The following SLC45A4 variants were observed in gnomAD, a reference collection of about 807,000 sequenced individuals.
The protein encoded by SLC45A4 is polyamine-transporter SLC45A4.
A neutral mutation model predicts 63.7 loss-of-function variants in SLC45A4; 32 were observed. The ratio of observed to expected loss-of-function variants is 0.50; its 90% confidence interval spans 0.38 to 0.67. The LOEUF is 0.67. Ranked by LOEUF, SLC45A4 falls within the 30% of genes least tolerant of loss-of-function variation. The pLI is 0.00. For missense variants in SLC45A4, 1,027 were observed against 1,157.7 expected (o/e 0.89, Z 1.64); for synonymous variants, 535 against 510.0 (o/e 1.05, Z -0.66).
intron 2 of SLC45A4, among the ~76,000 whole-genome samples, chr8:141,239,163 C>A (rs1388407091): frequency 6.6e-6 from 1 of 152,168 alleles, no homozygotes; most frequent in Non-Finnish European, 1.5e-5. Context: ...CACGTGACTG[C>A]GGCAAACATG....
At chr8:141,230,519 G>A (rs1224538155) in intron 2 of SLC45A4, among the ~76,000 whole-genome samples, 4 of 152,256 alleles carry the variant, frequency 2.6e-5, no homozygotes, top group Non-Finnish European at 5.9e-5. Flanking sequence ...AAGGTCTGAA[G>A]CCCCAAGCGT....
At chr8:141,280,812 C>T (rs547572455) in intron 1 of SLC45A4, among the ~76,000 whole-genome samples, 49 of 152,332 alleles carry the variant, frequency 3.2e-4, no homozygotes, top group African/African-American at 1.2e-3. Flanking sequence ...GGTGGGTGTG[C>T]AGAGAGCAGG....
chr8:141,216,972 C>T (rs1175260404), intron 6 of SLC45A4, 118 bp downstream of exon 6: 9 of 1,025,416 alleles, frequency 8.8e-6, no homozygotes, highest in South Asian at 1.5e-5. Flanking sequence ...TTTTGAGGGA[C>T]CCAGAAGTCA....
At chr8:141,263,778 A>ATAAT (rs1170226360) in intron 1 of SLC45A4, among the ~76,000 whole-genome samples, 1 of 149,078 alleles carries the variant, frequency 6.7e-6, no homozygotes, top group African/African-American at 2.5e-5. Context: ...TCAAAAAAAA[A>ATAAT]AAAAATAAAA....
At chr8:141,260,503 G>C (rs1829000604) in intron 1 of SLC45A4, among the ~76,000 whole-genome samples, 1 of 152,240 alleles carries the variant, frequency 6.6e-6, no homozygotes, top group African/African-American at 2.4e-5. Context: ...ACAGCAGGAT[G>C]CCACCTGGTG....
rs773123513 is a variant in SLC45A4 at position 141,219,038 on chromosome 8, G to A, written c.611-9C>T. 1 of 1,602,286 alleles carries A rather than the reference G, an allele frequency of 6.2e-7. No individual in the cohort carries two copies. The highest frequency in any genetic ancestry group is 8.5e-7 in the Non-Finnish European group (1 of 1,172,368). ...GATGGCTCCGCCGAGGCCTGCGTGG[G>A]AGGAAGCAGCAGCCGGTGAGCCGGT... On this transcript the variant is annotated splice_polypyrimidine_tract_variant and intron_variant, in intron 4 of 8. Transcript: ENST00000517878.
rs951469060 is a variant in SLC45A4, at chr8:141,208,366, T to A, written c.*3206A>T. 3 of 152,042 alleles carry A rather than the reference T, an allele frequency of 2.0e-5. No individual in the cohort carries two copies. Among genetic ancestry groups the A allele is most frequent in the African/African-American group, 7.2e-5 (3 of 41,382 alleles). 9.4% of individuals were successfully genotyped at this position (152,042 alleles called of 1,614,324 possible). ...CCTGCAGCTCCCCCTTCCAGCCCTC[T>A]TGTTGCTGCAGGGACGGCTTCCTGT... On this transcript the variant is annotated 3_prime_UTR_variant, in exon 9 of 9. Coordinates refer to ENST00000517878, the MANE Select transcript of SLC45A4 (RefSeq NM_001286646.2).
chr8:141,281,414 C>T (rs1829936038), intron 1 of SLC45A4, among the ~76,000 whole-genome samples: 1 of 152,240 alleles, frequency 6.6e-6, no homozygotes, highest in Admixed American at 6.5e-5. Context: ...AGTTTCCCCA[C>T]CTGTAAATGG....
rs528490854 is a variant in SLC45A4 at position 141,300,847 on chromosome 8, C to T, written c.-401+7249G>A. Among the ~76,000 whole-genome samples, 26 of 152,342 alleles carry T rather than the reference C, an allele frequency of 1.7e-4. No homozygotes were observed. In the South Asian group the frequency reaches 1.9e-3, roughly 11 times the overall value. On this transcript the variant is annotated intron_variant, in intron 1 of 8. Transcript: ENST00000517878. ...GTTCATCTTCTGCCCTTTAACACTG[C>T]GCATTTAGAAAACAGGCAATTAAAT... is the stretch of plus-strand genomic sequence containing the variant.
chr8:141,230,557 G>A (rs1296321904), intron 2 of SLC45A4, among the ~76,000 whole-genome samples: 4 of 152,250 alleles, frequency 2.6e-5, no homozygotes, highest in Admixed American at 2.0e-4. Context: ...GGTAAGCAGC[G>A]GGGGAGGTAG....
rs1322349173 is a variant in SLC45A4 at position 141,218,581 on chromosome 8, C to T, written c.1059G>A (p.Lys353=). The change falls in exon 5 of 9, where the codon AAG becomes AAA. Residue 353 remains lysine, a synonymous_variant. Transcript: ENST00000517878. Reference sequence around the variant, plus strand: ...AGGTGGCCAGGCGGGGCAGCTTGGTCTTGGCGAGCTCCTGGCTGGTGCTGC... The same window carrying T: ...AGGTGGCCAGGCGGGGCAGCTTGGTTTTGGCGAGCTCCTGGCTGGTGCTGC... ...TPRSTSQELA[K]TKLPRLATFL... 1.7e-5 allele frequency: 28 copies of T among 1,613,516 alleles called. No homozygotes were observed. The highest frequency in any genetic ancestry group is 2.3e-5 in the Non-Finnish European group (27 of 1,179,928).
At chr8:141,284,378 C>T (rs1363660813) in intron 1 of SLC45A4, among the ~76,000 whole-genome samples, 3 of 152,214 alleles carry the variant, frequency 2.0e-5, no homozygotes, top group Non-Finnish European at 2.9e-5. Context: ...CGGGTCTCTC[C>T]TCGCACCAGC....
At chr8:141,293,154 A>G (rs1328012479) in intron 1 of SLC45A4, among the ~76,000 whole-genome samples, 2 of 152,202 alleles carry the variant, frequency 1.3e-5, no homozygotes, top group Admixed American at 6.5e-5. Flanking sequence ...TCAAGCCCAC[A>G]AAGTGAAAAA....
At position 141,218,437 on chromosome 8, in the gene SLC45A4, C is replaced by T. The variant is rs1826335114; in HGVS notation, c.1203G>A (p.Val401=). The T allele has an allele frequency of 1.2e-6, 2 of 1,612,258 alleles. No homozygotes were observed. Among genetic ancestry groups the T allele is most frequent in the Admixed American group, 3.3e-5 (2 of 60,012 alleles). Residue 401 remains valine (V), a synonymous_variant, in exon 5 of 9, where the codon GTG becomes GTA. Coordinates refer to ENST00000517878, the MANE Select transcript of SLC45A4 (RefSeq NM_001286646.2). Reference sequence around the variant, plus strand: ...TCGACGTGGCCGAGGGCTTCGTGTCCACCCTGGTGTAGCCGCCGAGGGCGT... The same window carrying T: ...TCGACGTGGCCGAGGGCTTCGTGTCTACCCTGGTGTAGCCGCCGAGGGCGT... ...TKDALGGYTR[V]DTKPSATSSS...
intron 1 of SLC45A4, among the ~76,000 whole-genome samples, chr8:141,255,121 C>T (rs1219556264): frequency 6.6e-6 from 1 of 152,192 alleles, no homozygotes; most frequent in Non-Finnish European, 1.5e-5. Context: ...GTGACAAGGT[C>T]TCGCTCCGTT....
Position 141,227,353 on chromosome 8 carries a change from G to T in SLC45A4, c.242-5588C>A, listed in dbSNP as rs1827071245. On this transcript the variant is annotated intron_variant, in intron 2 of 8. Transcript: ENST00000517878. The surrounding 1 kb of genome is among the most constrained non-coding windows in gnomAD (Gnocchi z 4.4). ...GGGGAGGGCAAGGAGTGGGAAAGTCGCCTATAAATGTTTAACAAAAGATCC... is the reference window on the plus strand; with the variant it reads ...GGGGAGGGCAAGGAGTGGGAAAGTCTCCTATAAATGTTTAACAAAAGATCC... Among the ~76,000 whole-genome samples the T allele has an allele frequency of 6.6e-6, 1 of 152,128 alleles. No individual in the cohort carries two copies. Among genetic ancestry groups the T allele is most frequent in the Non-Finnish European group, 1.5e-5 (1 of 68,030 alleles).
intron 2 of SLC45A4, among the ~76,000 whole-genome samples, chr8:141,245,840 G>A (rs962283034): frequency 1.3e-5 from 2 of 152,200 alleles, no homozygotes; most frequent in Admixed American, 6.5e-5. Flanking sequence ...CCTGGGCTAA[G>A]GATGGTGCAG....
chr8:141,233,544 G>A (rs1034665277), intron 2 of SLC45A4, among the ~76,000 whole-genome samples: 10 of 152,036 alleles, frequency 6.6e-5, no homozygotes, highest in African/African-American at 1.5e-4. Context: ...ACAATTAGCC[G>A]GGCATGGTGG....
At chr8:141,267,989 T>C (rs903957417) in intron 1 of SLC45A4, among the ~76,000 whole-genome samples, 3 of 152,226 alleles carry the variant, frequency 2.0e-5, no homozygotes, top group Non-Finnish European at 2.9e-5. Context: ...TGAGAACTTA[T>C]GTCCACACAA....
Sources: gnomAD v4.1 joint callset for allele counts (sites outside exome capture counted in the v4.1 genomes callset) on GRCh38, gnomAD v4.1.1 for gene constraint, Gnocchi (gnomAD v3.1) non-coding constraint, MANE v1.5 for transcripts, NCBI Gene and HGNC (gene_info 2026-07-23, HGNC 2026-07-21) for gene names.